The following CBR4 variants were observed in gnomAD, a reference collection of about 807,000 sequenced individuals.
The protein encoded by CBR4 is carbonyl reductase 4.
A neutral mutation model predicts 21.0 loss-of-function variants in CBR4; 22 were observed. The ratio of observed to expected loss-of-function variants is 1.05; its 90% CI spans 0.75 to 1.50. The LOEUF (loss-of-function observed/expected upper bound fraction) is 1.50. Among genes scored for constraint, CBR4 ranks in the 40% most tolerant of loss-of-function variants. The probability of loss-of-function intolerance (pLI) is 0.00; values close to 1 mark genes in which losing one functional copy is unlikely to be tolerated. For missense variants in CBR4, 302 were observed against 286.3 expected (o/e 1.05, Z -0.40); for synonymous variants, 100 against 104.4 (o/e 0.96, Z 0.26).
At position 168,987,686 on chromosome 4, in the gene CBR4, C is replaced by G; in HGVS notation, c.*2464G>C. 2 of 981,926 alleles carry G rather than the reference C, an allele frequency of 2.0e-6. No homozygotes were observed. Among genetic ancestry groups the G allele is most frequent in the Non-Finnish European group, 2.4e-6 (2 of 826,762 alleles). The allele number at this position is 981,926 out of a possible 1,614,324, so 60.8% of individuals were successfully genotyped here. ...ATTTACACATATTCCTTTTGAAAAT[C>G]TTAGAAAAAATGTTTCACCAATGTT... On this transcript the variant is annotated 3_prime_UTR_variant, in exon 5 of 5. Transcript: ENST00000306193.
chr4:168,917,329 T>G (rs946424403), intron 2 of CBR4, among the ~76,000 whole-genome samples: 1 of 152,200 alleles, frequency 6.6e-6, no homozygotes, highest in Non-Finnish European at 1.5e-5. Context: ...ATTACAGGCA[T>G]GAGCCACCAC....
rs1023818009 is a variant in CBR4 at position 168,987,997 on chromosome 4, G to A, written c.*2153C>T. ...GCACAGAACCCTTATGGGCTCATAG[G>A]AGTCAGCAAACAGCTACAGATGAGT... On this transcript the variant is annotated 3_prime_UTR_variant, in exon 5 of 5. Transcript: ENST00000306193. 7 of 985,254 alleles carry A rather than the reference G, an allele frequency of 7.1e-6. No individual in the cohort carries two copies. The highest frequency in any genetic ancestry group is 1.7e-5 in the African/African-American group (1 of 57,222). The allele number at this position is 985,254 out of a possible 1,614,324, so 61.0% of individuals were successfully genotyped here. A position where few individuals can be genotyped will look rare whatever the true frequency, so the allele number is the denominator to read the frequency against.
At chr4:169,005,785 T>C in intron 3 of CBR4, 2 of 805,116 alleles carry the variant, frequency 2.5e-6, no homozygotes, top group Non-Finnish European at 3.6e-6. Flanking sequence ...CTTAGTTTAT[T>C]AGCATAGTAT....
chr4:168,979,923 C>G (rs1056919473), intron 2 of CBR4, among the ~76,000 whole-genome samples: 1 of 152,142 alleles, frequency 6.6e-6, no homozygotes, highest in African/African-American at 2.4e-5. Context: ...CAGCATGCAG[C>G]AGCTGCCCTA....
At chr4:168,952,136 G>A (rs1258567578) in intron 2 of CBR4, among the ~76,000 whole-genome samples, 2 of 152,010 alleles carry the variant, frequency 1.3e-5, no homozygotes, top group Non-Finnish European at 2.9e-5. Flanking sequence ...CTTTGTCTTT[G>A]TTGGATTGGG....
chr4:169,005,765 C>G, intron 3 of CBR4: 2 of 628,504 alleles, frequency 3.2e-6, no homozygotes, highest in South Asian at 3.3e-5. Flanking sequence ...CCAAAATGCT[C>G]TCATGTCCCC....
At chr4:168,918,313 A>C (rs1432820430) in intron 2 of CBR4, among the ~76,000 whole-genome samples, 2 of 141,288 alleles carry the variant, frequency 1.4e-5, no homozygotes, top group Non-Finnish European at 3.1e-5. Context: ...TGAATGAATA[A>C]AGAAAATATG....
At chr4:169,006,706 T>C in intron 3 of CBR4, 49 bp downstream of exon 3, 2 of 1,452,398 alleles carry the variant, frequency 1.4e-6, no homozygotes, top group Admixed American at 2.0e-5. Context: ...AATATTTTTA[T>C]GGTATGGTAT....
chr4:168,973,035 ATTATCT>A (rs1446162933), intron 2 of CBR4, among the ~76,000 whole-genome samples: 4 of 152,042 alleles, frequency 2.6e-5, no homozygotes, highest in African/African-American at 9.7e-5. Flanking sequence ...TGGGATGATC[ATTATCT>A]TTGTTTTTAC....
At chr4:169,001,405 G>A (rs1290178687) in intron 4 of CBR4, 1 of 152,104 alleles carries the variant, frequency 6.6e-6, no homozygotes, top group Non-Finnish European at 1.5e-5. Context: ...CTACAAAAAT[G>A]ACTGGAAAAA....
chr4:168,934,388 A>G (rs989338586), intron 2 of CBR4, among the ~76,000 whole-genome samples: 3 of 151,598 alleles, frequency 2.0e-5, no homozygotes, highest in African/African-American at 4.8e-5. Context: ...TAAAAATACA[A>G]AAGATCAACA....
At chr4:168,943,244 ACT>A (rs1002943992) in intron 2 of CBR4, among the ~76,000 whole-genome samples, 3 of 152,222 alleles carry the variant, frequency 2.0e-5, no homozygotes, top group African/African-American at 7.2e-5. Flanking sequence ...AGGGTACAGC[ACT>A]GGAGAATGAG....
rs577857710 is a variant in CBR4 at position 168,929,468 on chromosome 4, A to G, written n.170-34703T>C. On this transcript the variant is annotated intron_variant and non_coding_transcript_variant, in intron 2 of 3. Coordinates refer to the CBR4 transcript ENST00000509108. ...TGCTATGTAGTTTACAAGATTCATT[A>G]TATATTTTAATGCTGAATTTGTCCT... Among the ~76,000 whole-genome samples the G allele has an allele frequency of 2.0e-5, 3 of 152,338 alleles. No homozygotes were observed. In the South Asian group the frequency reaches 6.2e-4, roughly 32 times the overall value.
In CBR4 at chr4:168,977,102, T is replaced by C. The variant is rs1282919725; in HGVS notation, n.169+24969A>G. 2.6e-5 allele frequency among the ~76,000 whole-genome samples: 4 copies of C among 152,254 alleles called. No individual in the cohort carries two copies. The South Asian group carries it at 8.3e-4, about 31-fold the overall frequency. On this transcript the variant is annotated intron_variant and non_coding_transcript_variant, in intron 2 of 3. Transcript: ENST00000509108. ...TCTTTCAGTTTTCCTGATATGTTCC[T>C]GTGGTGGTTCTTGGAGTAAAAGTTC...
intron 2 of CBR4, among the ~76,000 whole-genome samples, chr4:168,977,477 T>C (rs1217081439): frequency 1.3e-5 from 2 of 152,214 alleles, no homozygotes; most frequent in Non-Finnish European, 2.9e-5. Context: ...TGCCCACACA[T>C]AGAACAGTGC....
At chr4:168,915,582 C>T (rs1346149075) in intron 2 of CBR4, among the ~76,000 whole-genome samples, 1 of 151,990 alleles carries the variant, frequency 6.6e-6, no homozygotes, top group Admixed American at 6.6e-5. Context: ...AATAAATGAG[C>T]AATAATGCTA....
Position 168,987,651 on chromosome 4 carries a change from T to TG in CBR4, c.*2498dup. 7.2e-6 allele frequency: 7 copies of TG among 968,854 alleles called. No homozygotes were observed. Among genetic ancestry groups the TG allele is most frequent in the Non-Finnish European group, 8.6e-6 (7 of 814,842 alleles). 60.0% of individuals were successfully genotyped at this position (968,854 alleles called of 1,614,324 possible). ...GTTTACCAAGTTAGGACAGTGGTTA[T>TG]GATTTCTCAATTTACACATATTCCT... On this transcript the variant is annotated 3_prime_UTR_variant, in exon 5 of 5. Coordinates refer to ENST00000306193, the MANE Select transcript of CBR4 (RefSeq NM_032783.5).
intron 3 of CBR4, among the ~76,000 whole-genome samples, chr4:169,006,318 T>C (rs1212199349): frequency 1.3e-5 from 2 of 152,016 alleles, no homozygotes; most frequent in Non-Finnish European, 2.9e-5. Context: ...CTAGGCCACA[T>C]AGTGTGACCT....
At chr4:168,998,896 A>G (rs925562854) in intron 4 of CBR4, among the ~76,000 whole-genome samples, 1 of 152,182 alleles carries the variant, frequency 6.6e-6, no homozygotes, top group African/African-American at 2.4e-5. Flanking sequence ...TGTAGTTAAC[A>G]GCAACTACTT....
Sources: gnomAD v4.1 joint callset for allele counts (sites outside exome capture counted in the v4.1 genomes callset) on GRCh38, gnomAD v4.1.1 for gene constraint, MANE v1.5 for transcripts, NCBI Gene and HGNC (gene_info 2026-07-23, HGNC 2026-07-21) for gene names.